IFIH1: variants seen among roughly 807,000 people sequenced by gnomAD.
IFIH1 encodes the protein interferon induced with helicase C domain 1.
A neutral mutation model predicts 107.4 loss-of-function variants in IFIH1; 125 were observed. That is an observed-to-expected ratio of 1.16 (90% CI 1.01 to 1.35). IFIH1 has a LOEUF of 1.35. IFIH1 is among the 40% of genes most tolerant of loss of function. The probability of loss-of-function intolerance (pLI) is 0.00; values close to 1 mark genes in which losing one functional copy is unlikely to be tolerated. For missense variants in IFIH1, 1,333 were observed against 1,213.7 expected, an observed-to-expected ratio of 1.10 and a Z score of -1.46; for synonymous variants, 458 against 413.2, an observed-to-expected ratio of 1.11 and a Z score of -1.31.
At chr2:162,304,094 A>AC (rs1230998047) in intron 3 of IFIH1, among the ~76,000 whole-genome samples, 1 of 152,226 alleles carries the variant, frequency 6.6e-6, no homozygotes, top group African/African-American at 2.4e-5. Flanking sequence ...AACAACAACA[A>AC]AAAAAACTAT....
intron 11 of IFIH1, among the ~76,000 whole-genome samples, chr2:162,275,307 G>T (rs2105195140): frequency 6.6e-6 from 1 of 152,276 alleles, no homozygotes; most frequent in South Asian, 2.1e-4. Context: ...TCTTTTTACA[G>T]AGAAGCTTAG....
chr2:162,312,572 C>T (rs1329409503), intron 1 of IFIH1, among the ~76,000 whole-genome samples: 2 of 152,102 alleles, frequency 1.3e-5, no homozygotes, highest in Non-Finnish European at 2.9e-5. Context: ...CATTTTCTGG[C>T]AAGAAGTGGT....
intron 3 of IFIH1, among the ~76,000 whole-genome samples, chr2:162,298,784 G>A (rs948743633): frequency 6.7e-6 from 1 of 149,670 alleles, no homozygotes; most frequent in Non-Finnish European, 1.5e-5. Flanking sequence ...ACACGCACGC[G>A]CGCGCGCACA....
intron 11 of IFIH1, among the ~76,000 whole-genome samples, chr2:162,275,793 T>A (rs13424192): frequency 0.094 from 14,253 of 152,204 alleles, 2,264 homozygotes; most frequent in African/African-American, 0.33. Flanking sequence ...TAATGTCTAC[T>A]AGTGCCTTTT....
In IFIH1 at chr2:162,278,881, G is replaced by C. The variant is rs568947506; in HGVS notation, c.1642-553C>G. Among the ~76,000 whole-genome samples, 34 of 152,182 alleles carry C rather than the reference G, an allele frequency of 2.2e-4. No individual in the cohort carries two copies. In the South Asian group the frequency reaches 7.1e-3, roughly 32 times the overall value. On this transcript the variant is annotated intron_variant, in intron 8 of 15. Transcript: ENST00000649979. ...GATTCCTGGGGCATGGTGACTGGAAGGGGGAGCCAGGAGCTTTTAGGATAC... is the reference window on the plus strand; with the variant it reads ...GATTCCTGGGGCATGGTGACTGGAACGGGGAGCCAGGAGCTTTTAGGATAC...
At chr2:162,271,190 A>G (rs1691028846) in intron 13 of IFIH1, among the ~76,000 whole-genome samples, 1 of 152,110 alleles carries the variant, frequency 6.6e-6, no homozygotes, top group Non-Finnish European at 1.5e-5. Context: ...GTATTTTCTT[A>G]TCATTCAGAT....
At position 162,278,271 on chromosome 2, in the gene IFIH1, T is replaced by C; in HGVS notation, c.1699A>G (p.Met567Val). The C allele has an allele frequency of 6.4e-7, 1 of 1,556,698 alleles. No homozygotes were observed. Among genetic ancestry groups the C allele is most frequent in the Non-Finnish European group, 8.8e-7 (1 of 1,133,866 alleles). Residue 567 changes from methionine to valine, a missense_variant, in exon 9 of 16, where the codon ATG (methionine) becomes GTG (valine). Physicochemically the swap from Met to Val is conservative, Grantham distance 21. Coordinates refer to ENST00000649979, the MANE Select transcript of IFIH1 (RefSeq NM_022168.4). ...IMTRIQTYCQ[M>V]SPMSDFGTQP... ...GTTCCAAAATCTGACATTGGACTCA[T>C]TTGACAATAAGTTTGAATCCTTGTC... is the stretch of plus-strand genomic sequence containing the variant.
chr2:162,291,125 C>T (rs763245299), intron 4 of IFIH1, among the ~76,000 whole-genome samples: 21 of 151,804 alleles, frequency 1.4e-4, no homozygotes, highest in South Asian at 2.1e-4. Flanking sequence ...CCCTCTACAA[C>T]AAGTATTGAT....
Position 162,280,044 on chromosome 2 carries a change from T to C in IFIH1, c.1593A>G (p.Gln531=), listed in dbSNP as rs1391970424. The change falls in exon 8 of 16, where the codon CAA becomes CAG. Residue 531 remains glutamine (Q), a synonymous_variant. Coordinates refer to ENST00000649979, the MANE Select transcript of IFIH1 (RefSeq NM_022168.4). ...CAAACTTCTTGCATGGCTCCTGTATTTGGTTTTTCAGTTGATCAAGGTTTT... is the reference window on the plus strand; with the variant it reads ...CAAACTTCTTGCATGGCTCCTGTATCTGGTTTTTCAGTTGATCAAGGTTTT... The part of the protein sequence containing the change: ...VKENLDQLKN[Q]IQEPCKKFAI... The C allele has an allele frequency of 6.2e-7, 1 of 1,611,554 alleles. No homozygotes were observed. The highest frequency in any genetic ancestry group is 1.7e-5 in the Admixed American group (1 of 59,802).
intron 3 of IFIH1, among the ~76,000 whole-genome samples, chr2:162,306,090 A>G (rs1683275980): frequency 6.6e-6 from 1 of 152,188 alleles, no homozygotes; most frequent in South Asian, 2.1e-4. Context: ...TTTGGCAGAG[A>G]AGGGGAGAGG....
intron 8 of IFIH1, 92 bp from the exon 9 acceptor site, chr2:162,278,420 T>A: frequency 1.5e-6 from 1 of 689,526 alleles, no homozygotes; most frequent in Non-Finnish European, 2.3e-6. Context: ...TTATAATAAA[T>A]CTGATTCATC....
rs568405521 is a variant in IFIH1 at position 162,298,979 on chromosome 2, A to G, written c.770-5311T>C. On this transcript the variant is annotated intron_variant, in intron 3 of 15. Coordinates refer to ENST00000649979, the MANE Select transcript of IFIH1 (RefSeq NM_022168.4). ...CACTCTCCTAGAGCCACAGGCCCAC[A>G]TGGCTATCCATGGAGCTCCTCTGCT... Among the ~76,000 whole-genome samples, 145 of 152,276 alleles carry G rather than the reference A, an allele frequency of 9.5e-4. 1 individual carries two copies. The highest frequency in any genetic ancestry group is 3.4e-3 in the African/African-American group (141 of 41,578).
In IFIH1 at chr2:162,272,293, C is replaced by T. The variant is rs370618144; in HGVS notation, c.2549G>A (p.Arg850Gln). 9.4e-5 allele frequency: 152 copies of T among 1,612,802 alleles called. No homozygotes were observed. The highest frequency in any genetic ancestry group is 1.2e-4 in the Non-Finnish European group (137 of 1,179,352). ...VIEHETVNDFREKMMYKAIHC... is the reference protein window; with the variant it reads ...VIEHETVNDFQEKMMYKAIHC... ...TATAGCTTTATACATCATCTTCTCT[C>T]GGAAATCATTAACTGTCTCATGTTC... Residue 850 changes from arginine to glutamine, a missense_variant, in exon 13 of 16, where the codon CGA becomes CAA. Coordinates refer to ENST00000649979, the MANE Select transcript of IFIH1 (RefSeq NM_022168.4).
chr2:162,299,815 A>T (rs1448930719), intron 3 of IFIH1, among the ~76,000 whole-genome samples: 5 of 152,132 alleles, frequency 3.3e-5, no homozygotes, highest in Non-Finnish European at 7.4e-5. Context: ...GAAGTCTTAA[A>T]TCCTACCGCC....
Position 162,280,086 on chromosome 2 carries a change from A to T in IFIH1, c.1551T>A (p.Thr517=). Residue 517 remains threonine, a synonymous_variant, in exon 8 of 16, where the codon ACT becomes ACA. Transcript: ENST00000649979. ...CAAGGTTTTCTTTAACAGTTTTAAT[A>T]GTAAATGCATCAAGATTGGCACATA... ...LKLCANLDAF[T]IKTVKENLDQ... The T allele has an allele frequency of 6.3e-7, 1 of 1,594,610 alleles. No homozygotes were observed. Among genetic ancestry groups the T allele is most frequent in the Non-Finnish European group, 8.6e-7 (1 of 1,163,400 alleles).
rs749596514 is a variant in IFIH1, at chr2:162,278,312, T to A, written c.1658A>T (p.Lys553Ile). The part of the protein sequence containing the change: ...DATREDPFKE[K>I]LLEIMTRIQT... ...AATCCTTGTCATTATTTCTAGAAGT[T>A]TCTCTTTAAATGGATCCTAAAAATA... The change falls in exon 9 of 16, where the codon AAA becomes ATA. Residue 553 changes from lysine (K) to isoleucine (I), a missense_variant. Lys to Ile is a moderately radical substitution (Grantham distance 102). Transcript: ENST00000649979. The A allele has an allele frequency of 1.4e-5, 20 of 1,429,382 alleles. No homozygotes were observed. The Middle Eastern group carries it at 8.8e-4, about 63-fold the overall frequency. 88.5% of individuals were successfully genotyped at this position (1,429,382 alleles called of 1,614,324 possible).
At position 162,278,190 on chromosome 2, in the gene IFIH1, C is replaced by G; in HGVS notation, c.1765+15G>C. On this transcript the variant is annotated intron_variant, in intron 9 of 15. Transcript: ENST00000649979. Reference sequence around the variant, plus strand: ...ACATGGGATAAACTAAGTGTTAGGTCCAAACCTAAATTACCTTTTTTTTCC... The same window carrying G: ...ACATGGGATAAACTAAGTGTTAGGTGCAAACCTAAATTACCTTTTTTTTCC... 2 of 1,597,344 alleles carry G rather than the reference C, an allele frequency of 1.3e-6. No individual in the cohort carries two copies.
chr2:162,311,392 C>T (rs952655046), intron 1 of IFIH1, among the ~76,000 whole-genome samples: 17 of 151,926 alleles, frequency 1.1e-4, no homozygotes, highest in African/African-American at 4.1e-4. Context: ...TTTCTTATCT[C>T]CTTTCTTCAT....
chr2:162,309,696 C>T (rs1041404588), intron 2 of IFIH1, among the ~76,000 whole-genome samples: 6 of 152,172 alleles, frequency 3.9e-5, no homozygotes, highest in Non-Finnish European at 8.8e-5. Flanking sequence ...CACAATTTCT[C>T]ATTTTTTGCC....
Sources: gnomAD v4.1 joint callset for allele counts (sites outside exome capture counted in the v4.1 genomes callset) on GRCh38, gnomAD v4.1.1 for gene constraint, MANE v1.5 for transcripts, NCBI Gene and HGNC (gene_info 2026-07-23, HGNC 2026-07-21) for gene names.